Variants in TRAPPC9 observed in about 807,000 individuals in gnomAD.
TRAPPC9 encodes the protein IKK2 binding protein.
Under a neutral mutation model 124.0 loss-of-function variants are expected in TRAPPC9, and 83 were observed. The observed-to-expected ratio is 0.67, with a 90% CI of 0.56 to 0.80. The LOEUF (loss-of-function observed/expected upper bound fraction) is 0.80. TRAPPC9 is among the 30% of genes least tolerant of loss of function. The pLI is 0.00. For synonymous variants in TRAPPC9, 638 were observed against 617.5 expected (o/e 1.03, Z -0.49); for missense variants, 1,302 against 1,508.3 (o/e 0.86, Z 2.27).
At chr8:140,049,083 CGCG>C (rs1841808846) in intron 17 of TRAPPC9, among the ~76,000 whole-genome samples, 2 of 152,188 alleles carry the variant, frequency 1.3e-5, no homozygotes, top group Non-Finnish European at 2.9e-5. Flanking sequence ...TCTGATTCCC[CGCG>C]ATGACGGAAC....
chr8:140,208,292 G>T (rs983196249), intron 17 of TRAPPC9, among the ~76,000 whole-genome samples: 1 of 152,180 alleles, frequency 6.6e-6, no homozygotes, highest in African/African-American at 2.4e-5. Context: ...AGACACACCG[G>T]AAGTGTCCGT....
At chr8:139,887,952 C>T (rs973826072) in intron 20 of TRAPPC9, among the ~76,000 whole-genome samples, 15 of 152,244 alleles carry the variant, frequency 9.9e-5, no homozygotes, top group Non-Finnish European at 8.8e-5. Context: ...CCCCTCCACA[C>T]GCAGCACAGT....
At chr8:140,397,788 G>C in intron 6 of TRAPPC9, 43 bp from the exon 7 acceptor site, 1 of 1,611,538 alleles carries the variant, frequency 6.2e-7, no homozygotes, top group Non-Finnish European at 8.5e-7. Flanking sequence ...AAAGAGTTCA[G>C]ATGTTTCTGT....
intron 21 of TRAPPC9, among the ~76,000 whole-genome samples, chr8:139,864,266 C>A (rs1322893369): frequency 6.6e-6 from 1 of 152,206 alleles, no homozygotes; most frequent in Non-Finnish European, 1.5e-5. Flanking sequence ...TCTCTACCAA[C>A]AACATATGTT....
chr8:140,120,819 A>ACATCCATCCATCCATCCATCATC lies in TRAPPC9; in HGVS notation c.2557-96763_2557-96741dup, dbSNP rs1563776214. Reference sequence around the variant, plus strand: ...ATCCATCCATCCATTCATCCATCTAACATCCATCCATCCATCCATCATCCA... The same window carrying ACATCCATCCATCCATCCATCATC: ...ATCCATCCATCCATTCATCCATCTAACATCCATCCATCCATCCATCATCCATCCATCCATCCATCCATCATCCA... On this transcript the variant is annotated intron_variant, in intron 17 of 22. Transcript: ENST00000438773. Among the ~76,000 whole-genome samples, 5 of 143,700 alleles carry ACATCCATCCATCCATCCATCATC rather than the reference A, an allele frequency of 3.5e-5. No individual in the cohort carries two copies. The East Asian group carries it at 1.0e-3, about 30-fold the overall frequency. The allele number at this position is 143,700 out of a possible 152,430, so 94.3% of individuals were successfully genotyped here.
At chr8:140,243,906 G>A (rs898116012) in intron 16 of TRAPPC9, among the ~76,000 whole-genome samples, 2 of 152,266 alleles carry the variant, frequency 1.3e-5, no homozygotes, top group African/African-American at 4.8e-5. Context: ...ACAGCAGGAG[G>A]TGGGTGGCAG....
chr8:140,223,875 G>A (rs920861614), intron 16 of TRAPPC9, among the ~76,000 whole-genome samples: 7 of 152,152 alleles, frequency 4.6e-5, no homozygotes, highest in Non-Finnish European at 1.5e-5. Context: ...CTACTTAGAG[G>A]CTTCAAATCT....
intron 21 of TRAPPC9, among the ~76,000 whole-genome samples, chr8:139,858,841 C>T (rs956428510): frequency 3.3e-5 from 5 of 151,466 alleles, no homozygotes; most frequent in Admixed American, 3.3e-4. Context: ...GCACAGTCTG[C>T]ACACCCTCCC....
intron 8 of TRAPPC9, among the ~76,000 whole-genome samples, chr8:140,363,917 A>C (rs879052242): frequency 6.6e-6 from 1 of 152,176 alleles, no homozygotes; most frequent in African/African-American, 2.4e-5. Flanking sequence ...TTTCAAATGT[A>C]TTTACAAATC....
intron 18 of TRAPPC9, among the ~76,000 whole-genome samples, chr8:140,012,222 C>CG (rs1241979695): frequency 1.3e-5 from 2 of 152,154 alleles, no homozygotes; most frequent in East Asian, 3.9e-4. Flanking sequence ...TAAGGCAATG[C>CG]GGGGCTCAGA....
chr8:140,052,395 G>C (rs747790849), intron 17 of TRAPPC9, among the ~76,000 whole-genome samples: 14 of 152,192 alleles, frequency 9.2e-5, no homozygotes, highest in Non-Finnish European at 1.8e-4. Flanking sequence ...CCAGCACTTT[G>C]AGAGGCTGAG....
At chr8:139,932,614 A>C (rs946835594) in intron 19 of TRAPPC9, 1 of 428,586 alleles carries the variant, frequency 2.3e-6, no homozygotes. Context: ...TACAAAAAAA[A>C]TTAGCCAGGT....
chr8:139,767,450 C>G (rs934208862), intron 21 of TRAPPC9, among the ~76,000 whole-genome samples: 3 of 152,228 alleles, frequency 2.0e-5, no homozygotes, highest in African/African-American at 7.2e-5. Context: ...ATCCCGTCCT[C>G]ACGAGGGCTC....
intron 17 of TRAPPC9, among the ~76,000 whole-genome samples, chr8:140,159,108 C>T (rs2130878195): frequency 6.6e-6 from 1 of 152,326 alleles, no homozygotes; most frequent in African/African-American, 2.4e-5. Flanking sequence ...TGCCTAAGTC[C>T]TGCTGCCCAC....
intron 1 of TRAPPC9, 53 bp downstream of exon 1, chr8:140,457,586 C>G: frequency 1.0e-6 from 1 of 985,296 alleles, no homozygotes; most frequent in South Asian, 4.7e-5. Flanking sequence ...GCGCAGCCCT[C>G]CCCGCAGCCG....
In TRAPPC9 at chr8:139,856,582, C is replaced by T. The variant is rs150461660; in HGVS notation, c.3055+29297G>A. ...GTAACACAGGTCAACAGCAAAGCAG[C>T]TGGACAGCGGCGGGGGGTGGCGTGC... On this transcript the variant is annotated intron_variant, in intron 21 of 22. Coordinates refer to ENST00000438773, the MANE Select transcript of TRAPPC9 (RefSeq NM_001160372.4). Among the ~76,000 whole-genome samples the T allele has an allele frequency of 1.7e-3, 254 of 152,300 alleles. 1 individual carries two copies. The highest frequency in any genetic ancestry group is 5.9e-3 in the African/African-American group (244 of 41,566).
chr8:140,347,197 C>T (rs1344199567), intron 9 of TRAPPC9, among the ~76,000 whole-genome samples: 2 of 152,212 alleles, frequency 1.3e-5, no homozygotes, highest in African/African-American at 4.8e-5. Context: ...CCAGGCCATC[C>T]CCATGGGGTC....
Position 139,776,369 on chromosome 8 carries a change from G to A in TRAPPC9, c.3056-44167C>T, listed in dbSNP as rs975391190. Among the ~76,000 whole-genome samples the A allele has an allele frequency of 6.6e-5, 10 of 152,246 alleles. No individual in the cohort carries two copies. The highest frequency in any genetic ancestry group is 2.4e-4 in the African/African-American group (10 of 41,476). On this transcript the variant is annotated intron_variant, in intron 21 of 22. Transcript: ENST00000438773. This position sits in a 1 kb window ranked among gnomAD's most constrained non-coding sequence, Gnocchi z 4.1. ...ACTCGTCACAACATAGTATTGATCG[G>A]TTTGTCCTCCGTGACCCAAAGAGAG...
At chr8:140,112,872 G>C (rs2060809671) in intron 17 of TRAPPC9, among the ~76,000 whole-genome samples, 1 of 138,334 alleles carries the variant, frequency 7.2e-6, no homozygotes, top group Non-Finnish European at 1.5e-5. Context: ...ATGGAGTCTC[G>C]CTCTGTCACC....
Sources: allele counts gnomAD v4.1 joint callset (sites outside exome capture counted in the v4.1 genomes callset), GRCh38; gene constraint gnomAD v4.1.1; non-coding constraint Gnocchi (gnomAD v3.1); transcripts MANE v1.5; gene names NCBI Gene and HGNC (gene_info 2026-07-23, HGNC 2026-07-21).